AOPEP: variants seen among roughly 807,000 people sequenced by gnomAD.
AOPEP encodes aminopeptidase O (putative), also known as aminopeptidase O.
A neutral mutation model predicts 98.1 loss-of-function variants in AOPEP; 77 were observed. That is an observed-to-expected ratio of 0.78 (90% confidence interval 0.65 to 0.95). The LOEUF (loss-of-function observed/expected upper bound fraction) is 0.95. Among genes scored for constraint, AOPEP ranks in the 40% least tolerant of loss-of-function variants. The probability of loss-of-function intolerance (pLI) is 0.00; values close to 1 mark genes in which losing one functional copy is unlikely to be tolerated. For synonymous variants in AOPEP, 346 were observed against 365.3 expected (o/e 0.95, Z 0.60); for missense variants, 1,024 against 1,024.7 (o/e 1.00, Z 0.01).
chr9:95,123,776 A>G, the AOPEP span: 1 of 700,182 alleles, frequency 1.4e-6, no homozygotes. Flanking sequence ...AGTAGTCAGG[A>G]ATCGATCTTG....
At chr9:95,019,538 A>G (rs920319088) in intron 13 of AOPEP, 1 of 152,216 alleles carries the variant, frequency 6.6e-6, no homozygotes, top group African/African-American at 2.4e-5. Flanking sequence ...CATGTGCATC[A>G]TCACATTGAA....
chr9:94,885,661 A>G (rs1251523988), intron 5 of AOPEP, among the ~76,000 whole-genome samples: 1 of 152,108 alleles, frequency 6.6e-6, no homozygotes, highest in East Asian at 1.9e-4. Context: ...TTTGCTGAGT[A>G]GTCTTCATCA....
chr9:94,735,055 A>C (rs539272090), intron 1 of AOPEP, among the ~76,000 whole-genome samples: 135 of 152,288 alleles, frequency 8.9e-4, no homozygotes, highest in African/African-American at 3.2e-3. Context: ...GATTGTATTA[A>C]TATTTATATA....
At chr9:94,899,244 G>A (rs1388857827) in intron 5 of AOPEP, among the ~76,000 whole-genome samples, 2 of 126,844 alleles carry the variant, frequency 1.6e-5, no homozygotes, top group Non-Finnish European at 3.2e-5. Flanking sequence ...GAGTGCAGTG[G>A]CGCCATCTCG....
chr9:95,018,641 T>C (rs1045298651), intron 13 of AOPEP, among the ~76,000 whole-genome samples: 19 of 152,220 alleles, frequency 1.2e-4, no homozygotes, highest in Non-Finnish European at 2.2e-4. Context: ...TCTGTTCTTA[T>C]CCTCTCTGGA....
intron 11 of AOPEP, among the ~76,000 whole-genome samples, chr9:94,982,262 A>T (rs755756287): frequency 6.6e-6 from 1 of 152,174 alleles, no homozygotes; most frequent in Non-Finnish European, 1.5e-5. Flanking sequence ...ATAAATACAT[A>T]TTTTACGTTT....
At chr9:94,729,820 G>A (rs1358797091) in intron 1 of AOPEP, among the ~76,000 whole-genome samples, 2 of 152,186 alleles carry the variant, frequency 1.3e-5, no homozygotes, top group Non-Finnish European at 2.9e-5. Flanking sequence ...CACTGCCATA[G>A]AGTCAGAGGA....
intron 4 of AOPEP, among the ~76,000 whole-genome samples, 173 bp downstream of exon 4, chr9:94,793,091 C>T (rs531851735): frequency 2.2e-4 from 34 of 152,318 alleles, no homozygotes; most frequent in East Asian, 3.9e-4. Context: ...GAGGGCTAGG[C>T]GCAGTGGCTC....
At chr9:95,012,553 TG>T (rs1409915549) in intron 13 of AOPEP, among the ~76,000 whole-genome samples, 1 of 152,226 alleles carries the variant, frequency 6.6e-6, no homozygotes, top group African/African-American at 2.4e-5. Flanking sequence ...GTTTTGTGCC[TG>T]GGTCTCATAT....
chr9:95,138,887 T>C, the AOPEP span, among the ~76,000 whole-genome samples: 1 of 152,216 alleles, frequency 6.6e-6, no homozygotes, highest in Non-Finnish European at 1.5e-5. Flanking sequence ...AAACGATGTG[T>C]GTTAATAGCT....
At chr9:94,855,463 C>T (rs998050488) in intron 5 of AOPEP, among the ~76,000 whole-genome samples, 69 of 151,900 alleles carry the variant, frequency 4.5e-4, no homozygotes, top group Non-Finnish European at 4.7e-4. Flanking sequence ...CTGAGGCGGG[C>T]GGATCACCTG....
intron 5 of AOPEP, among the ~76,000 whole-genome samples, chr9:94,820,948 C>T (rs767593948): frequency 2.0e-5 from 3 of 152,082 alleles, no homozygotes; most frequent in Non-Finnish European, 4.4e-5. Flanking sequence ...AAGTGGAAGC[C>T]GTAATGACTC....
At chr9:95,138,220 T>G in the AOPEP span, among the ~76,000 whole-genome samples, 3 of 151,896 alleles carry the variant, frequency 2.0e-5, no homozygotes, top group African/African-American at 7.3e-5. Context: ...GCGGCTGAGG[T>G]TGGAGTGAGT....
At chr9:94,794,123 G>T (rs1209589913) in intron 4 of AOPEP, among the ~76,000 whole-genome samples, 1 of 152,118 alleles carries the variant, frequency 6.6e-6, no homozygotes, top group Non-Finnish European at 1.5e-5. Context: ...TTTGAAGTAT[G>T]AACCAGATAA....
chr9:94,960,974 A>C (rs1589088650), intron 9 of AOPEP, among the ~76,000 whole-genome samples: 1 of 150,006 alleles, frequency 6.7e-6, no homozygotes, highest in Non-Finnish European at 1.5e-5. Context: ...ATTGCGCGCC[A>C]CTGCACTCCG....
intron 9 of AOPEP, among the ~76,000 whole-genome samples, chr9:94,962,730 C>CTTTTTTTTTTTTT (rs3992777): frequency 1.5e-5 from 2 of 129,760 alleles, no homozygotes; most frequent in African/African-American, 6.2e-5. Flanking sequence ...ATATTATCAT[C>CTTTTTTTTTTTTT]TTTTTTTTTT....
intron 5 of AOPEP, 110 bp downstream of exon 5, chr9:94,801,112 G>C (rs1848125405): frequency 1.6e-6 from 2 of 1,266,622 alleles, no homozygotes; most frequent in East Asian, 2.3e-5. Flanking sequence ...GAATGGAGGG[G>C]CTATGGTTGC....
rs759094419 is a variant in AOPEP at position 94,759,802 on chromosome 9, C to G, written c.19C>G (p.Pro7Ala). 4 of 1,613,814 alleles carry G rather than the reference C, an allele frequency of 2.5e-6. No individual in the cohort carries two copies. Among genetic ancestry groups the G allele is most frequent in the East Asian group, 2.2e-5 (1 of 44,864 alleles). The change falls in exon 2 of 17, where the codon CCT (proline) becomes GCT (alanine). Residue 7 changes from proline to alanine, a missense_variant. Around this residue, in one of 3 missense-constraint regions of AOPEP, gnomAD observed 440 missense variants for 433.8 expected, o/e 1.01. Transcript: ENST00000375315. MDIQLD[P>A]ARDDLPLMAN... The stretch of plus-strand genomic sequence containing the variant: ...CCACATCATGGACATACAGCTGGAC[C>G]CTGCCAGAGATGACCTGCCTCTCAT...
chr9:94,878,917 G>C (rs1414111912), intron 5 of AOPEP, among the ~76,000 whole-genome samples: 1 of 152,216 alleles, frequency 6.6e-6, no homozygotes, highest in Non-Finnish European at 1.5e-5. Context: ...TGGGAGACCG[G>C]AGTTTTATTA....
Sources: allele counts gnomAD v4.1 joint callset (sites outside exome capture counted in the v4.1 genomes callset), GRCh38; gene constraint gnomAD v4.1.1; regional missense constraint gnomAD v4.1.1; transcripts MANE v1.5; gene names NCBI Gene and HGNC (gene_info 2026-07-23, HGNC 2026-07-21).